Variants in PDGFD observed in about 807,000 individuals in gnomAD.
PDGFD encodes the protein platelet derived growth factor D, also known as platelet-derived growth factor D.
A neutral mutation model predicts 44.7 loss-of-function variants in PDGFD; 30 were observed. That is an observed-to-expected ratio of 0.67 (90% CI 0.50 to 0.91). The LOEUF is 0.91. PDGFD is among the 40% of genes least tolerant of loss of function. PDGFD has a pLI of 0.00. For missense variants in PDGFD, 445 were observed against 457.8 expected, an observed-to-expected ratio of 0.97 and a Z score of 0.25; for synonymous variants, 173 against 168.4, an observed-to-expected ratio of 1.03 and a Z score of -0.21.
chr11:104,058,580 A>G (rs1040598149), intron 1 of PDGFD, among the ~76,000 whole-genome samples: 1 of 152,228 alleles, frequency 6.6e-6, no homozygotes, highest in African/African-American at 2.4e-5. Context: ...GCCACTTTGG[A>G]AAATAGTTTG....
At chr11:103,954,887 G>A (rs952958959) in intron 3 of PDGFD, among the ~76,000 whole-genome samples, 3 of 152,042 alleles carry the variant, frequency 2.0e-5, no homozygotes, top group East Asian at 3.9e-4. Flanking sequence ...TAATGAGGCC[G>A]GGCGCGGTGG....
At chr11:103,928,716 TA>T (rs1464399179) in intron 5 of PDGFD, among the ~76,000 whole-genome samples, 1 of 152,222 alleles carries the variant, frequency 6.6e-6, no homozygotes, top group Non-Finnish European at 1.5e-5. Flanking sequence ...TCTTCCTTTG[TA>T]AAGACATGTC....
rs375831101 is a variant in PDGFD at position 103,950,287 on chromosome 11, G to A, written c.511-2563C>T. On this transcript the variant is annotated intron_variant, in intron 3 of 6. Transcript: ENST00000393158. ...AAACTGGCCAGGAGTGGTGGCTCAC[G>A]CTTGTAATCCCAGCACTTTGGGAGG... Among the ~76,000 whole-genome samples, 21 of 151,574 alleles carry A rather than the reference G, an allele frequency of 1.4e-4. No homozygotes were observed. In the East Asian group the frequency reaches 2.9e-3, roughly 21 times the overall value.
At chr11:103,998,461 A>G (rs1324503971) in intron 2 of PDGFD, among the ~76,000 whole-genome samples, 1 of 152,196 alleles carries the variant, frequency 6.6e-6, no homozygotes, top group Non-Finnish European at 1.5e-5. Context: ...ATACTCTTCT[A>G]GGCTGGTGAA....
chr11:104,019,184 T>C (rs1003119673), intron 1 of PDGFD, among the ~76,000 whole-genome samples: 1 of 152,244 alleles, frequency 6.6e-6, no homozygotes, highest in Non-Finnish European at 1.5e-5. Context: ...CAATGAGCTT[T>C]GAAAGGCTAA....
Position 103,956,050 on chromosome 11 carries a change from C to T in PDGFD, c.511-8326G>A, listed in dbSNP as rs905991233. Among the ~76,000 whole-genome samples, 3 of 147,518 alleles carry T rather than the reference C, an allele frequency of 2.0e-5. No individual in the cohort carries two copies. The East Asian group carries it at 6.1e-4, about 30-fold the overall frequency. On this transcript the variant is annotated intron_variant, in intron 3 of 6. Transcript: ENST00000393158. The stretch of plus-strand genomic sequence containing the variant: ...CTTGTTAGTTTCTGATTTCTTCAGA[C>T]TGAACTTAGTTTGGGAATTTTTTTT...
At chr11:103,941,800 A>C (rs1858588259) in intron 5 of PDGFD, among the ~76,000 whole-genome samples, 1 of 152,152 alleles carries the variant, frequency 6.6e-6, no homozygotes, top group Non-Finnish European at 1.5e-5. Context: ...GAATTGCTGA[A>C]GACAGAGTCA....
intron 1 of PDGFD, among the ~76,000 whole-genome samples, chr11:104,162,000 AAC>A (rs1193027875): frequency 2.0e-5 from 3 of 151,646 alleles, no homozygotes; most frequent in Admixed American, 2.0e-4. Flanking sequence ...GTAACTGCAA[AAC>A]AGTTTTAACT....
At chr11:103,928,716 T>G (rs564511181) in intron 5 of PDGFD, among the ~76,000 whole-genome samples, 2 of 152,340 alleles carry the variant, frequency 1.3e-5, no homozygotes, top group East Asian at 3.8e-4. Flanking sequence ...TCTTCCTTTG[T>G]AAAGACATGT....
intron 1 of PDGFD, 95 bp downstream of exon 1, chr11:104,163,709 C>A: frequency 7.2e-7 from 1 of 1,384,632 alleles, no homozygotes; most frequent in Non-Finnish European, 9.6e-7. Context: ...AGTTCACATT[C>A]AAGATTCAAA....
intron 1 of PDGFD, among the ~76,000 whole-genome samples, chr11:104,125,643 T>C (rs900745394): frequency 2.6e-5 from 4 of 152,168 alleles, no homozygotes; most frequent in African/African-American, 9.6e-5. Flanking sequence ...GTTTATAGGC[T>C]CTCCAGAATG....
chr11:103,973,136 C>T (rs1245539991), intron 3 of PDGFD, among the ~76,000 whole-genome samples: 4 of 147,678 alleles, frequency 2.7e-5, no homozygotes, highest in African/African-American at 9.9e-5. Context: ...AGAAAGTGGT[C>T]ACTTTTTTTT....
At chr11:104,077,105 C>T (rs1032095557) in intron 1 of PDGFD, among the ~76,000 whole-genome samples, 11 of 152,050 alleles carry the variant, frequency 7.2e-5, no homozygotes, top group South Asian at 2.1e-4. Flanking sequence ...TCTGAGTGCA[C>T]GAGGGTTTGG....
chr11:103,968,915 T>C (rs1205210980), intron 3 of PDGFD, among the ~76,000 whole-genome samples: 11 of 152,186 alleles, frequency 7.2e-5, no homozygotes. Context: ...AATTACTTTA[T>C]GCTTTGTCAG....
At chr11:103,925,679 GTATATATA>G (rs367755559) in intron 6 of PDGFD, among the ~76,000 whole-genome samples, 24 of 119,786 alleles carry the variant, frequency 2.0e-4, no homozygotes, top group Admixed American at 2.8e-4. Flanking sequence ...GTGTGTCTGT[GTATATATA>G]TATATATATA....
intron 1 of PDGFD, among the ~76,000 whole-genome samples, chr11:104,063,777 T>A (rs1051587993): frequency 3.3e-5 from 5 of 152,166 alleles, no homozygotes; most frequent in Admixed American, 6.5e-5. Context: ...CTCACTATCA[T>A]GAGAACAGTG....
intron 3 of PDGFD, among the ~76,000 whole-genome samples, chr11:103,984,984 CAT>C (rs1197844787): frequency 5.6e-5 from 6 of 106,962 alleles, no homozygotes; most frequent in African/African-American, 1.4e-4. Flanking sequence ...TAATATATAA[CAT>C]ATTAATTTAA....
intron 5 of PDGFD, among the ~76,000 whole-genome samples, chr11:103,936,340 T>C (rs1858487152): frequency 6.6e-6 from 1 of 152,188 alleles, no homozygotes; most frequent in Non-Finnish European, 1.5e-5. Context: ...AAGCACTCAG[T>C]TTCTAAAATA....
intron 3 of PDGFD, among the ~76,000 whole-genome samples, chr11:103,971,029 C>T (rs1007501144): frequency 2.6e-5 from 4 of 152,128 alleles, no homozygotes; most frequent in Admixed American, 2.6e-4. Flanking sequence ...TTCACTTGAG[C>T]TTTCCACTTC....
Sources: allele counts gnomAD v4.1 joint callset (sites outside exome capture counted in the v4.1 genomes callset), GRCh38; gene constraint gnomAD v4.1.1; transcripts MANE v1.5; gene names NCBI Gene and HGNC (gene_info 2026-07-23, HGNC 2026-07-21).